The following TENM4 variants were observed in gnomAD, a reference collection of about 807,000 sequenced individuals.
TENM4 encodes the protein teneurin transmembrane protein 4.
TENM4 carries 82 observed loss-of-function variants against 243.3 expected under a neutral mutation model. That is an observed-to-expected ratio of 0.34 (90% CI 0.28 to 0.40). The LOEUF (loss-of-function observed/expected upper bound fraction) is 0.40, where lower values mean the gene tolerates loss of function less well. Ranked by LOEUF, TENM4 falls within the 10% of genes least tolerant of loss-of-function variation. The probability of loss-of-function intolerance (pLI) is 1.00; values close to 1 mark genes in which losing one functional copy is unlikely to be tolerated. For missense variants in TENM4, 3,138 were observed against 3,673.3 expected, an observed-to-expected ratio of 0.85 and a Z score of 3.77; for synonymous variants, 1,412 against 1,456.3, an observed-to-expected ratio of 0.97 and a Z score of 0.69.
chr11:79,165,126 A>G (rs964531987), intron 3 of TENM4, among the ~76,000 whole-genome samples: 36 of 152,232 alleles, frequency 2.4e-4, no homozygotes, highest in African/African-American at 8.4e-4. Context: ...TCTTTTTCAT[A>G]TAATGACTTC....
intron 1 of TENM4, among the ~76,000 whole-genome samples, chr11:79,341,535 T>C (rs576410408): frequency 5.3e-5 from 8 of 152,314 alleles, no homozygotes; most frequent in African/African-American, 1.9e-4. Context: ...GTCATGAACA[T>C]GACAGAGCTA....
rs527568882 is a variant in TENM4, at chr11:79,303,346, C to T, written c.-320-5803G>A. Among the ~76,000 whole-genome samples, 3 of 152,292 alleles carry T rather than the reference C, an allele frequency of 2.0e-5. 1 individual carries two copies. The South Asian group carries it at 6.2e-4, about 32-fold the overall frequency. ...TGGCATATTTAACCTCCCTAAGCCT[C>T]TGTGTTTTCATTTGAAATGTGGGGA... On this transcript the variant is annotated intron_variant, in intron 1 of 33. Transcript: ENST00000278550.
Position 78,805,277 on chromosome 11 carries a change from T to TCCCCACCCACCACCCCCCCC in TENM4, c.2179+14_2179+15insGGGGGGGGTGGTGGGTGGGG. The TCCCCACCCACCACCCCCCCC allele has an allele frequency of 7.1e-7, 1 of 1,402,548 alleles. No individual in the cohort carries two copies. Among genetic ancestry groups the TCCCCACCCACCACCCCCCCC allele is most frequent in the Non-Finnish European group, 9.7e-7 (1 of 1,033,114 alleles). The allele number at this position is 1,402,548 out of a possible 1,614,324, so 86.9% of individuals were successfully genotyped here. On this transcript the variant is annotated intron_variant, in intron 15 of 33. Transcript: ENST00000278550. ...CCCCTCCCTCTACCCATGCTTCTTCTCCCCCTGCATTTACCGATAGAACAG... is the reference window on the plus strand; with the variant it reads ...CCCCTCCCTCTACCCATGCTTCTTCTCCCCACCCACCACCCCCCCCCCCCCTGCATTTACCGATAGAACAG...
chr11:79,283,103 C>A (rs1001485716), intron 2 of TENM4, among the ~76,000 whole-genome samples: 1 of 151,922 alleles, frequency 6.6e-6, no homozygotes, highest in African/African-American at 2.4e-5. Flanking sequence ...AACACAAATT[C>A]TTTATAAAAC....
chr11:78,736,479 T>TGTGTGCGCGCGC (rs796898751), intron 20 of TENM4, among the ~76,000 whole-genome samples: 6 of 99,332 alleles, frequency 6.0e-5, no homozygotes, highest in African/African-American at 1.5e-4. Flanking sequence ...TGTGTGTGTG[T>TGTGTGCGCGCGC]GCGCGCGCGT....
intron 3 of TENM4, among the ~76,000 whole-genome samples, chr11:79,155,025 G>C (rs1243366948): frequency 1.3e-5 from 2 of 152,094 alleles, no homozygotes; most frequent in African/African-American, 4.8e-5. Context: ...TCCCTTCTCT[G>C]CTCTCCACAA....
At chr11:79,062,288 A>G (rs1348496473) in intron 6 of TENM4, among the ~76,000 whole-genome samples, 1 of 152,176 alleles carries the variant, frequency 6.6e-6, no homozygotes, top group East Asian at 1.9e-4. Context: ...TAATGCTGTT[A>G]TTATTATCAT....
intron 4 of TENM4, among the ~76,000 whole-genome samples, chr11:79,082,926 C>T (rs951596061): frequency 4.6e-5 from 7 of 152,208 alleles, no homozygotes; most frequent in African/African-American, 1.7e-4. Flanking sequence ...TTTCCAGCAG[C>T]TGGGTGGCCA....
intron 15 of TENM4, among the ~76,000 whole-genome samples, chr11:78,803,746 T>A (rs1319529470): frequency 6.6e-6 from 1 of 152,232 alleles, no homozygotes; most frequent in Non-Finnish European, 1.5e-5. Context: ...GGATTAACAG[T>A]GCAAGACGCA....
chr11:78,980,379 T>C (rs1417312287), intron 6 of TENM4, among the ~76,000 whole-genome samples: 7 of 152,200 alleles, frequency 4.6e-5, no homozygotes, highest in Non-Finnish European at 1.0e-4. Context: ...ACATAGCCAC[T>C]GGTAAGGCGA....
chr11:79,220,703 T>G (rs1864139486), intron 2 of TENM4, among the ~76,000 whole-genome samples: 2 of 152,178 alleles, frequency 1.3e-5, no homozygotes, highest in African/African-American at 4.8e-5. Context: ...ATGTCCAGTG[T>G]CTTATAATTA....
intron 15 of TENM4, among the ~76,000 whole-genome samples, chr11:78,794,927 T>C (rs191197749): frequency 2.6e-4 from 40 of 152,348 alleles, no homozygotes; most frequent in Middle Eastern, 6.8e-3. Context: ...GTGACATGCA[T>C]GTCAGTACTT....
chr11:79,043,015 A>G (rs572213500), intron 6 of TENM4, among the ~76,000 whole-genome samples: 3 of 152,348 alleles, frequency 2.0e-5, no homozygotes, highest in African/African-American at 7.2e-5. Context: ...TCAGTCATAC[A>G]GTACATGCAT....
Position 79,438,067 on chromosome 11 carries a change from C to CA in TENM4, c.-321+2441dup, listed in dbSNP as rs1859315295. 6.6e-6 allele frequency among the ~76,000 whole-genome samples: 1 copy of CA among 152,088 alleles called. No individual in the cohort carries two copies. Among genetic ancestry groups the CA allele is most frequent in the African/African-American group, 2.4e-5 (1 of 41,416 alleles). ...ACAGATTCAGACAGATCGGGGATTT[C>CA]AGTGGGAGGGGACGAGAGGTTTCAG... On this transcript the variant is annotated intron_variant, in intron 1 of 33. Coordinates refer to ENST00000278550, the MANE Select transcript of TENM4 (RefSeq NM_001098816.3). The surrounding 1 kb of genome is among the most constrained non-coding windows in gnomAD (Gnocchi z 4.1).
chr11:78,726,060 A>AT lies in TENM4; in HGVS notation c.3550+18dup. 6.2e-7 allele frequency: 1 copy of AT among 1,613,396 alleles called. No homozygotes were observed. Among genetic ancestry groups the AT allele is most frequent in the East Asian group, 2.2e-5 (1 of 44,876 alleles). On this transcript the variant is annotated intron_variant, in intron 23 of 33. Transcript: ENST00000278550. ...GTTCCACCCCAGCCTGGTTCAAGTAATTCTATTAATCCACTTACCACTTTG... is the reference window on the plus strand; with the variant it reads ...GTTCCACCCCAGCCTGGTTCAAGTAATTTCTATTAATCCACTTACCACTTTG...
chr11:78,692,125 G>A (rs1452582461), intron 28 of TENM4, among the ~76,000 whole-genome samples: 1 of 152,206 alleles, frequency 6.6e-6, no homozygotes, highest in Non-Finnish European at 1.5e-5. Flanking sequence ...CCGGCCCCAT[G>A]ATTAGGTGGC....
chr11:78,704,191 A>ATATATATATATATG (rs1189777278), intron 27 of TENM4, among the ~76,000 whole-genome samples: 29 of 139,472 alleles, frequency 2.1e-4, no homozygotes, highest in Non-Finnish European at 4.7e-5. Flanking sequence ...ATATATATAT[A>ATATATATATATATG]TATTTGTAGA....
chr11:78,767,296 G>C (rs1189344224), intron 18 of TENM4, among the ~76,000 whole-genome samples: 1 of 152,334 alleles, frequency 6.6e-6, no homozygotes, highest in East Asian at 1.9e-4. Flanking sequence ...TGGATAATAA[G>C]GCCACATTCC....
chr11:78,687,531 T>C (rs190304115), intron 29 of TENM4, among the ~76,000 whole-genome samples: 2 of 152,268 alleles, frequency 1.3e-5, no homozygotes, highest in Admixed American at 6.5e-5. Flanking sequence ...AACAGCAAGA[T>C]TTCATCATTG....
Sources: allele counts gnomAD v4.1 joint callset (sites outside exome capture counted in the v4.1 genomes callset), GRCh38; gene constraint gnomAD v4.1.1; non-coding constraint Gnocchi (gnomAD v3.1); transcripts MANE v1.5; gene names NCBI Gene and HGNC (gene_info 2026-07-23, HGNC 2026-07-21).